Variants in TENM2 observed in about 807,000 individuals in gnomAD.
TENM2 encodes teneurin-2.
Under a neutral mutation model 245.2 loss-of-function variants are expected in TENM2, and 52 were observed. The ratio of observed to expected loss-of-function variants is 0.21; its 90% CI spans 0.17 to 0.27. TENM2 has a LOEUF of 0.27. TENM2 is among the 10% of genes least tolerant of loss of function. The pLI is 1.00. For synonymous variants in TENM2, 1,363 were observed against 1,438.9 expected (o/e 0.95, Z 1.19); for missense variants, 3,046 against 3,666.8 (o/e 0.83, Z 4.37).
intron 5 of TENM2, among the ~76,000 whole-genome samples, chr5:167,998,671 C>G (rs952613824): frequency 2.0e-5 from 3 of 149,600 alleles, no homozygotes; most frequent in Non-Finnish European, 3.0e-5. Context: ...AGATCTCTGC[C>G]AAACTAAAAT....
the TENM2 span, among the ~76,000 whole-genome samples, chr5:167,232,455 C>T: frequency 6.6e-6 from 1 of 152,022 alleles, no homozygotes; most frequent in East Asian, 1.9e-4. Context: ...TCACTGCAAC[C>T]TCTGCCTCCC....
chr5:168,227,046 G>A (rs1230715076), intron 24 of TENM2, among the ~76,000 whole-genome samples: 1 of 152,068 alleles, frequency 6.6e-6, no homozygotes, highest in East Asian at 1.9e-4. Context: ...TGCGTGTGAC[G>A]GCTGGAGTCA....
At chr5:167,740,582 T>C (rs1761112577) in intron 2 of TENM2, among the ~76,000 whole-genome samples, 1 of 152,172 alleles carries the variant, frequency 6.6e-6, no homozygotes, top group South Asian at 2.1e-4. Flanking sequence ...GCCAGGCCTC[T>C]CTCTGTTCTT....
chr5:167,134,762 T>G, the TENM2 span, among the ~76,000 whole-genome samples: 1 of 152,224 alleles, frequency 6.6e-6, no homozygotes, highest in African/African-American at 2.4e-5. Context: ...AGTATTATCT[T>G]AGAACATATT....
At chr5:167,334,531 G>A (rs892798205) in intron 1 of TENM2, among the ~76,000 whole-genome samples, 13 of 152,252 alleles carry the variant, frequency 8.5e-5, no homozygotes, top group Admixed American at 7.9e-4. Context: ...CAATGTACTT[G>A]CTATTCCAGG....
intron 5 of TENM2, among the ~76,000 whole-genome samples, chr5:168,014,871 T>C (rs1785531543): frequency 6.6e-6 from 1 of 152,158 alleles, no homozygotes; most frequent in Non-Finnish European, 1.5e-5. Flanking sequence ...GGGAGCATAA[T>C]GGCGCCATTT....
intron 1 of TENM2, among the ~76,000 whole-genome samples, chr5:167,313,788 A>G (rs1756186657): frequency 6.6e-6 from 1 of 152,194 alleles, no homozygotes; most frequent in African/African-American, 2.4e-5. Context: ...ATCCTTGAAT[A>G]TATGTAGTCA....
the TENM2 span, among the ~76,000 whole-genome samples, chr5:167,265,407 G>C: frequency 1.3e-5 from 2 of 151,032 alleles, no homozygotes; most frequent in Admixed American, 6.6e-5. Flanking sequence ...ATGAATGCTA[G>C]AATATTGGGG....
chr5:167,639,194 C>T (rs749070345), intron 2 of TENM2, among the ~76,000 whole-genome samples: 4 of 152,094 alleles, frequency 2.6e-5, no homozygotes, highest in Non-Finnish European at 4.4e-5. Flanking sequence ...TTAGTAATAT[C>T]CTTAAAGTAT....
At chr5:167,497,116 G>T (rs1327958818) in intron 2 of TENM2, among the ~76,000 whole-genome samples, 2 of 151,924 alleles carry the variant, frequency 1.3e-5, no homozygotes, top group African/African-American at 4.8e-5. Flanking sequence ...TAAAAGATCA[G>T]AGTGACTAAG....
At chr5:167,098,657 C>G in the TENM2 span, among the ~76,000 whole-genome samples, 3 of 151,946 alleles carry the variant, frequency 2.0e-5, no homozygotes, top group East Asian at 5.8e-4. Flanking sequence ...GAAAACATAC[C>G]GAGAAAAAGG....
chr5:167,754,969 CTG>C, intron 2 of TENM2: 2 of 1,531,694 alleles, frequency 1.3e-6, no homozygotes, highest in Non-Finnish European at 1.8e-6. Flanking sequence ...AAGGCCTCAG[CTG>C]TGTCAGACTG....
chr5:167,708,943 A>T (rs1295913380), intron 2 of TENM2, among the ~76,000 whole-genome samples: 3 of 152,182 alleles, frequency 2.0e-5, no homozygotes, highest in Non-Finnish European at 4.4e-5. Context: ...AAGTCTCCCC[A>T]AAGCATTCTT....
At chr5:167,090,085 C>G in the TENM2 span, among the ~76,000 whole-genome samples, 1 of 152,170 alleles carries the variant, frequency 6.6e-6, no homozygotes, top group African/African-American at 2.4e-5. Context: ...ATATTGAGTG[C>G]ACAGGTGGGC....
chr5:167,452,935 A>ATG (rs1397017581), intron 2 of TENM2, among the ~76,000 whole-genome samples: 3 of 4,322 alleles, frequency 6.9e-4, no homozygotes, highest in Non-Finnish European at 1.1e-3. Context: ...TATGATTTAT[A>ATG]TATATATATA....
intron 4 of TENM2, among the ~76,000 whole-genome samples, chr5:167,989,950 A>G (rs1783543416): frequency 6.6e-6 from 1 of 152,154 alleles, no homozygotes; most frequent in African/African-American, 2.4e-5. Flanking sequence ...CTAGATAGAA[A>G]TGGAGCTTTG....
chr5:167,584,658 C>T (rs1775351097), intron 2 of TENM2, among the ~76,000 whole-genome samples: 1 of 151,846 alleles, frequency 6.6e-6, no homozygotes, highest in Non-Finnish European at 1.5e-5. Context: ...CCCCTCCAGA[C>T]CGTATTCTCC....
In TENM2 at chr5:167,629,097, A is replaced by G. The variant is rs115694437; in HGVS notation, c.503-246889A>G. Among the ~76,000 whole-genome samples the G allele has an allele frequency of 4.4e-3, 676 of 152,340 alleles. 1 individual carries two copies. The highest frequency in any genetic ancestry group is 7.0e-3 in the Non-Finnish European group (474 of 68,036). On this transcript the variant is annotated intron_variant, in intron 2 of 28. Transcript: ENST00000518659. Reference sequence around the variant, plus strand: ...TTCTGTTATCATCACCATTTTCCACATTAGAAAAGTTGGGCTTAGAAATCC... The same window carrying G: ...TTCTGTTATCATCACCATTTTCCACGTTAGAAAAGTTGGGCTTAGAAATCC...
At chr5:168,195,321 C>G (rs1581599054) in intron 15 of TENM2, 26 bp downstream of exon 17, 1 of 1,561,314 alleles carries the variant, frequency 6.4e-7, no homozygotes. Context: ...GGGCTCGGAC[C>G]TACTCAGGAC....
Sources: allele counts gnomAD v4.1 joint callset (sites outside exome capture counted in the v4.1 genomes callset), GRCh38; gene constraint gnomAD v4.1.1; transcripts MANE v1.5; gene names NCBI Gene and HGNC (gene_info 2026-07-23, HGNC 2026-07-21).